Variants in FOXP1 observed in about 807,000 individuals in gnomAD.
FOXP1 encodes forkhead box protein P1.
A neutral mutation model predicts 98.2 loss-of-function variants in FOXP1; 15 were observed. The ratio of observed to expected loss-of-function variants is 0.15; its 90% CI spans 0.10 to 0.24. The LOEUF is 0.24. FOXP1 is among the 10% of genes least tolerant of loss of function. The pLI is 1.00. For missense variants in FOXP1, 633 were observed against 848.5 expected, an observed-to-expected ratio of 0.75 and a Z score of 3.15; for synonymous variants, 371 against 314.5, an observed-to-expected ratio of 1.18 and a Z score of -1.90.
intron 13 of FOXP1, among the ~76,000 whole-genome samples, chr3:70,989,240 A>G (rs1423995002): frequency 2.0e-5 from 3 of 152,150 alleles, no homozygotes; most frequent in Non-Finnish European, 2.9e-5. Context: ...AAAAGGGAGA[A>G]GGGAAAAAGC....
intron 5 of FOXP1, among the ~76,000 whole-genome samples, chr3:71,266,089 G>A (rs1375798647): frequency 2.0e-5 from 3 of 151,912 alleles, no homozygotes; most frequent in African/African-American, 7.3e-5. Flanking sequence ...CTGCAAAGAT[G>A]GATGAAGAGT....
intron 4 of FOXP1, among the ~76,000 whole-genome samples, chr3:71,355,963 G>T (rs1487865062): frequency 6.6e-6 from 1 of 152,100 alleles, no homozygotes; most frequent in Non-Finnish European, 1.5e-5. Context: ...CCACGGACCT[G>T]TGGCAGCTTC....
chr3:71,434,631 G>GTTGTGTGTGTGTGTGTGT (rs376887775), intron 3 of FOXP1, among the ~76,000 whole-genome samples: 3 of 142,264 alleles, frequency 2.1e-5, no homozygotes, highest in African/African-American at 7.9e-5. Flanking sequence ...GAGGGGATGG[G>GTTGTGTGTGTGTGTGTGT]GTGTGTGTGT....
intron 7 of FOXP1, among the ~76,000 whole-genome samples, chr3:71,097,721 AG>A (rs1399795506): frequency 6.6e-6 from 1 of 152,138 alleles, no homozygotes; most frequent in Non-Finnish European, 1.5e-5. Flanking sequence ...CAATCCAGGG[AG>A]GGTAACAGGG....
intron 4 of FOXP1, among the ~76,000 whole-genome samples, chr3:71,337,160 G>A (rs1398865041): frequency 6.6e-6 from 1 of 152,160 alleles, no homozygotes; most frequent in Non-Finnish European, 1.5e-5. Context: ...TTTTTGGAAA[G>A]GGCTGTGAGT....
intron 6 of FOXP1, among the ~76,000 whole-genome samples, chr3:71,119,296 CT>C (rs1237870087): frequency 6.6e-6 from 1 of 152,138 alleles, no homozygotes; most frequent in African/African-American, 2.4e-5. Flanking sequence ...CAGCATGTGC[CT>C]TATTGGTGGC....
At chr3:71,582,352 TG>T in intron 1 of FOXP1, 3 of 970,854 alleles carry the variant, frequency 3.1e-6, no homozygotes, top group Non-Finnish European at 3.7e-6. Context: ...CCGCGGCAAC[TG>T]GCAAACTCCT....
chr3:71,354,290 AAGAG>A lies in FOXP1; in HGVS notation c.-73+4856_-73+4859del, dbSNP rs549630073. Among the ~76,000 whole-genome samples the A allele has an allele frequency of 5.9e-5, 9 of 152,158 alleles. 1 individual carries two copies. Among genetic ancestry groups the A allele is most frequent in the East Asian group, 3.9e-4 (2 of 5,186 alleles). On this transcript the variant is annotated intron_variant, in intron 4 of 20. Transcript: ENST00000649528. ...GAGACTCCGTCTCCAGAAAAAAAAAAAGAGAGAGAGAAGAGAATTTAAGGAAATT... is the reference window on the plus strand; with the variant it reads ...GAGACTCCGTCTCCAGAAAAAAAAAAAGAGAGAAGAGAATTTAAGGAAATT...
chr3:71,003,909 T>TGTAG (rs2042428296), intron 12 of FOXP1, among the ~76,000 whole-genome samples: 1 of 152,106 alleles, frequency 6.6e-6, no homozygotes, highest in Non-Finnish European at 1.5e-5. Context: ...TCAGTGACCA[T>TGTAG]GTAGGTCACT....
intron 3 of FOXP1, among the ~76,000 whole-genome samples, chr3:71,413,183 TAGAC>T (rs1360286490): frequency 1.2e-5 from 1 of 80,818 alleles, no homozygotes; most frequent in Non-Finnish European, 2.2e-5. Context: ...ACATCTCAAA[TAGAC>T]ACACACACAC....
At chr3:71,415,505 A>T (rs1000801285) in intron 3 of FOXP1, among the ~76,000 whole-genome samples, 1 of 152,220 alleles carries the variant, frequency 6.6e-6, no homozygotes, top group African/African-American at 2.4e-5. Flanking sequence ...GCAAAAAAGG[A>T]ATGTAGAAAT....
intron 19 of FOXP1, among the ~76,000 whole-genome samples, chr3:70,967,109 A>C (rs551307438): frequency 6.6e-6 from 1 of 152,300 alleles, no homozygotes; most frequent in Admixed American, 6.5e-5. Flanking sequence ...TTCCATCCTA[A>C]TGAGAAGAAA....
intron 5 of FOXP1, chr3:71,245,134 T>C (rs1193769519): frequency 3.9e-5 from 6 of 152,184 alleles, no homozygotes; most frequent in Non-Finnish European, 8.8e-5. Flanking sequence ...GGAAGCCTTT[T>C]GTGGAGTTGT....
At chr3:71,440,011 A>T (rs2085769110) in intron 3 of FOXP1, among the ~76,000 whole-genome samples, 1 of 151,810 alleles carries the variant, frequency 6.6e-6, no homozygotes, top group South Asian at 2.1e-4. Flanking sequence ...TACCTTGAGG[A>T]CATTATGCTA....
At chr3:71,366,443 T>A (rs2078936815) in intron 3 of FOXP1, among the ~76,000 whole-genome samples, 1 of 152,196 alleles carries the variant, frequency 6.6e-6, no homozygotes, top group South Asian at 2.1e-4. Flanking sequence ...AGGAAAATTG[T>A]ATCTACAGTA....
At chr3:71,031,832 C>T (rs762978654) in intron 11 of FOXP1, among the ~76,000 whole-genome samples, 4 of 152,122 alleles carry the variant, frequency 2.6e-5, no homozygotes. Flanking sequence ...AGTATGGAGT[C>T]CTTATGTTAA....
At chr3:71,241,736 C>T (rs1004986248) in intron 5 of FOXP1, among the ~76,000 whole-genome samples, 10 of 152,220 alleles carry the variant, frequency 6.6e-5, no homozygotes, top group African/African-American at 2.2e-4. Context: ...AGCTTAACTG[C>T]ATCATTTATG....
At chr3:70,977,499 T>C in intron 16 of FOXP1, 144 bp downstream of exon 16, 2 of 675,854 alleles carry the variant, frequency 3.0e-6, no homozygotes, top group South Asian at 3.4e-5. Flanking sequence ...GCAATTATGT[T>C]ATATATTGCA....
At chr3:71,577,866 G>A (rs2047849727) in intron 2 of FOXP1, among the ~76,000 whole-genome samples, 1 of 152,062 alleles carries the variant, frequency 6.6e-6, no homozygotes, top group East Asian at 1.9e-4. Flanking sequence ...TTCAGCAGAT[G>A]CCTTTCTTGA....
Sources: gnomAD v4.1 joint callset for allele counts (sites outside exome capture counted in the v4.1 genomes callset) on GRCh38, gnomAD v4.1.1 for gene constraint, MANE v1.5 for transcripts, NCBI Gene and HGNC (gene_info 2026-07-23, HGNC 2026-07-21) for gene names.